ELAPOR2: variants seen among roughly 807,000 people sequenced by gnomAD.
ELAPOR2 encodes the protein endosome-lysosome associated apoptosis and autophagy regulator family member 2.
ELAPOR2 carries 89 observed loss-of-function variants against 120.7 expected under a neutral mutation model. The ratio of observed to expected loss-of-function variants is 0.74; its 90% confidence interval spans 0.62 to 0.88. The LOEUF is 0.88. Among genes scored for constraint, ELAPOR2 ranks in the 40% least tolerant of loss-of-function variants. The pLI is 0.00. For missense variants in ELAPOR2, 1,134 were observed against 1,251.6 expected, an observed-to-expected ratio of 0.91 and a Z score of 1.42; for synonymous variants, 444 against 444.9, an observed-to-expected ratio of 1.00 and a Z score of 0.03.
chr7:86,910,495 A>G (rs1380495570), intron 15 of ELAPOR2, among the ~76,000 whole-genome samples: 1 of 152,166 alleles, frequency 6.6e-6, no homozygotes, highest in Non-Finnish European at 1.5e-5. Flanking sequence ...GCAAAATTCT[A>G]GAATAACACC....
chr7:86,941,882 T>C (rs1790809151), intron 5 of ELAPOR2, 136 bp downstream of exon 5: 1 of 557,266 alleles, frequency 1.8e-6, no homozygotes, highest in Non-Finnish European at 3.2e-6. Flanking sequence ...TAATAGTTAA[T>C]TTTGATATTT....
rs150141266 is a variant in ELAPOR2, at chr7:86,969,537, T to C, written c.190-4513A>G. Among the ~76,000 whole-genome samples the C allele has an allele frequency of 1.3e-3, 202 of 152,272 alleles. 3 individuals are homozygous for C. Among genetic ancestry groups the C allele is most frequent in the African/African-American group, 4.6e-3 (192 of 41,558 alleles). On this transcript the variant is annotated intron_variant, in intron 1 of 21. Coordinates refer to ENST00000450689, the MANE Select transcript of ELAPOR2 (RefSeq NM_001142749.3). The stretch of plus-strand genomic sequence containing the variant: ...GCACTTAATTATTAAATAATTATGA[T>C]GGCCTAAGGGTTATGGGAGAAATTT...
intron 2 of ELAPOR2, among the ~76,000 whole-genome samples, chr7:86,955,669 GTAA>G (rs376033560): frequency 1.8e-4 from 28 of 152,112 alleles, no homozygotes; most frequent in African/African-American, 6.3e-4. Flanking sequence ...TCTGTGATAT[GTAA>G]TAATAACAAT....
At chr7:86,916,361 A>C (rs1000235592) in intron 12 of ELAPOR2, among the ~76,000 whole-genome samples, 2 of 152,234 alleles carry the variant, frequency 1.3e-5, no homozygotes, top group Admixed American at 6.5e-5. Context: ...TTCATCAGAC[A>C]AAACAGCAAA....
At chr7:86,967,673 T>C (rs1791958617) in intron 1 of ELAPOR2, among the ~76,000 whole-genome samples, 1 of 152,160 alleles carries the variant, frequency 6.6e-6, no homozygotes, top group African/African-American at 2.4e-5. Flanking sequence ...GCCTGCCAGT[T>C]ATGAGATGAG....
chr7:86,984,098 A>G (rs946842433), intron 1 of ELAPOR2, among the ~76,000 whole-genome samples: 1 of 152,212 alleles, frequency 6.6e-6, no homozygotes, highest in Non-Finnish European at 1.5e-5. Flanking sequence ...GAGGAAGGCC[A>G]CTACATAATG....
chr7:86,977,451 A>G (rs1441362084), intron 1 of ELAPOR2, among the ~76,000 whole-genome samples: 1 of 152,182 alleles, frequency 6.6e-6, no homozygotes, highest in East Asian at 1.9e-4. Context: ...TTGGCTAGCA[A>G]CATCCCCTTT....
In ELAPOR2 at chr7:86,918,504, C is replaced by T; in HGVS notation, c.1531G>A (p.Gly511Arg). 2 of 1,613,250 alleles carry T rather than the reference C, an allele frequency of 1.2e-6. No individual in the cohort carries two copies. Among genetic ancestry groups the T allele is most frequent in the East Asian group, 2.2e-5 (1 of 44,836 alleles). Residue 511 changes from glycine to arginine, a missense_variant, in exon 12 of 22, where the codon GGA becomes AGA. Gly to Arg is a moderately radical substitution (Grantham distance 125, BLOSUM62 -2). This residue lies in a region of ELAPOR2 where 831 missense variants were observed against 867.6 expected (regional missense o/e 0.96). Transcript: ENST00000450689. ...SMTGATGSEL[G>R]RITFVFETLC... The stretch of plus-strand genomic sequence containing the variant: ...GTCTCAAAGACAAATGTTATTCTTC[C>T]TAGTTCAGAACCCGTGGCTCCAGTC...
At chr7:86,946,157 T>TCACACACACACACACACACACA (rs1491424238) in intron 3 of ELAPOR2, among the ~76,000 whole-genome samples, 104 of 110,594 alleles carry the variant, frequency 9.4e-4, no homozygotes, top group African/African-American at 4.3e-3. Context: ...GGATACCATT[T>TCACACACACACACACACACACA]CTCACACACA....
intron 15 of ELAPOR2, among the ~76,000 whole-genome samples, chr7:86,910,656 TA>T (rs1288960030): frequency 1.3e-5 from 2 of 152,210 alleles, no homozygotes; most frequent in African/African-American, 2.4e-5. Flanking sequence ...ATATAACTTA[TA>T]AAAAATGGAA....
chr7:86,893,467 C>G (rs1402870199), intron 19 of ELAPOR2, among the ~76,000 whole-genome samples: 2 of 151,362 alleles, frequency 1.3e-5, no homozygotes, highest in Admixed American at 1.3e-4. Context: ...AATTTTGATG[C>G]CTTTAAACAT....
At chr7:86,915,989 T>C (rs7810135) in intron 12 of ELAPOR2, among the ~76,000 whole-genome samples, 32,995 of 151,942 alleles carry the variant, frequency 0.22, 5,869 homozygotes, top group African/African-American at 0.5. Flanking sequence ...GCACATAATA[T>C]CACCTTACAT....
chr7:86,984,895 G>C (rs991613059), intron 1 of ELAPOR2, among the ~76,000 whole-genome samples: 2 of 152,076 alleles, frequency 1.3e-5, no homozygotes, highest in Non-Finnish European at 2.9e-5. Context: ...ATAAATCCTG[G>C]AGCTGGTTTT....
intron 1 of ELAPOR2, among the ~76,000 whole-genome samples, chr7:87,036,656 A>AT (rs537665270): frequency 1.3e-5 from 2 of 152,190 alleles, no homozygotes; most frequent in Non-Finnish European, 2.9e-5. Flanking sequence ...GCTGGAGGCT[A>AT]TTTTCCTAAG....
At chr7:87,015,070 TAATA>T (rs1001713467) in intron 1 of ELAPOR2, among the ~76,000 whole-genome samples, 2 of 152,112 alleles carry the variant, frequency 1.3e-5, no homozygotes, top group Non-Finnish European at 2.9e-5. Context: ...TATCACCATA[TAATA>T]AATAAATTTG....
In ELAPOR2 at chr7:86,885,840, G is replaced by T. The variant is rs919264188; in HGVS notation, c.3031-5310C>A. 1.3e-5 allele frequency among the ~76,000 whole-genome samples: 2 copies of T among 152,112 alleles called. 1 individual carries two copies. Among genetic ancestry groups the T allele is most frequent in the African/African-American group, 4.8e-5 (2 of 41,428 alleles). On this transcript the variant is annotated intron_variant, in intron 21 of 21. Coordinates refer to ENST00000450689, the MANE Select transcript of ELAPOR2 (RefSeq NM_001142749.3). ...TGCTTCTACATCTGAATATACAGTA[G>T]AACTTGATGTTATATGCTTGTACTT...
chr7:86,909,938 C>T lies in ELAPOR2; in HGVS notation c.2233G>A (p.Gly745Arg). The part of the protein sequence containing the change: ...TDFTVKEIVA[G>R]SDDYTNLVGA... ...ACCAAATTTGTGTAATCATCTGACC[C>T]TGCCACTATTTCTTTTACTGTAAAG... is the stretch of plus-strand genomic sequence containing the variant. The change falls in exon 16 of 22, where the codon GGG (glycine) becomes AGG (arginine). Residue 745 changes from glycine (G) to arginine (R), a missense_variant. Around this residue, in one of 3 missense-constraint regions of ELAPOR2, gnomAD observed 831 missense variants for 867.6 expected, o/e 0.96. Coordinates refer to ENST00000450689, the MANE Select transcript of ELAPOR2 (RefSeq NM_001142749.3). 1 of 1,613,184 alleles carries T rather than the reference C, an allele frequency of 6.2e-7. No individual in the cohort carries two copies. The highest frequency in any genetic ancestry group is 8.5e-7 in the Non-Finnish European group (1 of 1,179,454).
At chr7:87,012,581 TGTACACAA>T (rs955740244) in intron 1 of ELAPOR2, among the ~76,000 whole-genome samples, 23 of 152,332 alleles carry the variant, frequency 1.5e-4, no homozygotes, top group Middle Eastern at 3.4e-3. Context: ...AACAGATGTC[TGTACACAA>T]AGTATCTGTA....
At chr7:86,934,354 T>A (rs1035247873) in intron 8 of ELAPOR2, among the ~76,000 whole-genome samples, 20 of 152,184 alleles carry the variant, frequency 1.3e-4, no homozygotes, top group Middle Eastern at 3.4e-3. Context: ...AATGCCTTAC[T>A]GTATACATTA....
Sources: gnomAD v4.1 joint callset for allele counts (sites outside exome capture counted in the v4.1 genomes callset) on GRCh38, gnomAD v4.1.1 for gene constraint, gnomAD v4.1.1 regional missense constraint, MANE v1.5 for transcripts, NCBI Gene and HGNC (gene_info 2026-07-23, HGNC 2026-07-21) for gene names.